The following XIRP2 variants were observed in gnomAD, a reference collection of about 807,000 sequenced individuals.
XIRP2 encodes the protein xin actin binding repeat containing 2.
XIRP2 carries 236 observed loss-of-function variants against 277.0 expected under a neutral mutation model. The observed-to-expected ratio is 0.85, with a 90% CI of 0.77 to 0.95. The LOEUF (loss-of-function observed/expected upper bound fraction) is 0.95, where lower values mean the gene tolerates loss of function less well. Among genes scored for constraint, XIRP2 ranks in the 40% least tolerant of loss-of-function variants. The pLI is 0.00. For synonymous variants in XIRP2, 1,490 were observed against 1,416.5 expected (o/e 1.05, Z -1.17); for missense variants, 4,640 against 4,157.5 (o/e 1.12, Z -3.19).
At chr2:167,232,722 A>C (rs965661732) in intron 5 of XIRP2, among the ~76,000 whole-genome samples, 3 of 151,918 alleles carry the variant, frequency 2.0e-5, no homozygotes, top group Admixed American at 6.6e-5. Flanking sequence ...TCTTCACAAC[A>C]ACCTTCTGAG....
intron 2 of XIRP2, among the ~76,000 whole-genome samples, chr2:166,916,114 C>T (rs1684870652): frequency 6.6e-6 from 1 of 152,194 alleles, no homozygotes; most frequent in Non-Finnish European, 1.5e-5. Context: ...ATTCACTCCA[C>T]TAATCAGAGC....
At chr2:167,080,408 A>T (rs553168525) in intron 2 of XIRP2, among the ~76,000 whole-genome samples, 17 of 152,324 alleles carry the variant, frequency 1.1e-4, no homozygotes, top group African/African-American at 4.1e-4. Context: ...TGATACTGTG[A>T]TGCACCTTCA....
At chr2:167,049,091 C>T (rs1454866416) in intron 2 of XIRP2, among the ~76,000 whole-genome samples, 1 of 151,754 alleles carries the variant, frequency 6.6e-6, no homozygotes. Flanking sequence ...TTGGAGCTTA[C>T]TTCAATGAGT....
chr2:167,170,534 AG>A (rs2105348504), intron 3 of XIRP2, among the ~76,000 whole-genome samples: 1 of 152,240 alleles, frequency 6.6e-6, no homozygotes, highest in Admixed American at 6.5e-5. Context: ...GCTTGTGATT[AG>A]TGGTATCTTT....
intron 3 of XIRP2, among the ~76,000 whole-genome samples, chr2:167,196,846 G>C (rs1332097319): frequency 6.6e-6 from 1 of 152,086 alleles, no homozygotes; most frequent in Non-Finnish European, 1.5e-5. Flanking sequence ...TTGTGCGTAG[G>C]TATGTGTGTG....
At chr2:167,173,378 G>A (rs890806871) in intron 3 of XIRP2, among the ~76,000 whole-genome samples, 3 of 152,074 alleles carry the variant, frequency 2.0e-5, no homozygotes, top group Admixed American at 6.6e-5. Context: ...GAGAACATGC[G>A]GAGTTTGTCT....
At chr2:166,976,090 G>A in intron 2 of XIRP2, among the ~76,000 whole-genome samples, 1 of 152,132 alleles carries the variant, frequency 6.6e-6, no homozygotes, top group South Asian at 2.1e-4. Flanking sequence ...CCTCAGTAAT[G>A]TGGAATATGA....
chr2:167,011,977 G>T (rs573611672), intron 2 of XIRP2, among the ~76,000 whole-genome samples: 1 of 151,724 alleles, frequency 6.6e-6, no homozygotes, highest in Non-Finnish European at 1.5e-5. Flanking sequence ...TTCTTTATTA[G>T]TCTTGCTAGC....
intron 2 of XIRP2, among the ~76,000 whole-genome samples, chr2:167,134,187 A>G (rs1013033313): frequency 6.6e-6 from 1 of 151,446 alleles, no homozygotes; most frequent in African/African-American, 2.4e-5. Flanking sequence ...TAGTGAATAT[A>G]TTCATATATA....
chr2:167,204,810 AT>A (rs971990302), intron 3 of XIRP2, among the ~76,000 whole-genome samples: 2 of 151,900 alleles, frequency 1.3e-5, no homozygotes, highest in Non-Finnish European at 2.9e-5. Context: ...TCTCGCATAA[AT>A]TTTTTTTACT....
At chr2:166,995,849 A>C (rs536983670) in intron 2 of XIRP2, among the ~76,000 whole-genome samples, 1 of 152,160 alleles carries the variant, frequency 6.6e-6, no homozygotes, top group Non-Finnish European at 1.5e-5. Flanking sequence ...CAAGTCATCA[A>C]ATGCCACTTC....
At chr2:167,018,997 A>C (rs759881585) in intron 2 of XIRP2, among the ~76,000 whole-genome samples, 1 of 152,004 alleles carries the variant, frequency 6.6e-6, no homozygotes, top group South Asian at 2.1e-4. Context: ...CACAGTTATA[A>C]GGATATAGTT....
chr2:167,219,012 G>GT (rs1352915265), intron 5 of XIRP2, among the ~76,000 whole-genome samples: 1 of 152,018 alleles, frequency 6.6e-6, no homozygotes, highest in Non-Finnish European at 1.5e-5. Context: ...GGCAACTGAG[G>GT]TATTTCTTAA....
chr2:167,179,008 G>A (rs1022494934), intron 3 of XIRP2, among the ~76,000 whole-genome samples: 4 of 151,980 alleles, frequency 2.6e-5, no homozygotes, highest in South Asian at 2.1e-4. Context: ...CTCCACTCTC[G>A]ATAGTAAATG....
chr2:166,921,316 T>C (rs562126658), intron 2 of XIRP2, among the ~76,000 whole-genome samples: 7 of 152,124 alleles, frequency 4.6e-5, no homozygotes, highest in Non-Finnish European at 1.0e-4. Flanking sequence ...TGTACTCTTT[T>C]TCATTCCCCC....
intron 2 of XIRP2, among the ~76,000 whole-genome samples, chr2:167,079,373 C>A (rs371410429): frequency 6.6e-6 from 1 of 152,120 alleles, no homozygotes; most frequent in East Asian, 1.9e-4. Context: ...GGAATCCCCC[C>A]GCTCAATTTT....
chr2:166,923,996 T>C (rs1407254842), intron 2 of XIRP2, among the ~76,000 whole-genome samples: 1 of 152,028 alleles, frequency 6.6e-6, no homozygotes, highest in Non-Finnish European at 1.5e-5. Context: ...GGACATGATA[T>C]GGCTCAGCAG....
Position 167,247,218 on chromosome 2 carries a change from A to C in XIRP2, c.5826A>C (p.Glu1942Asp), listed in dbSNP as rs1695300024. ...GAAGTTTCAAAGAGGTACATAAAGA[A>C]GGTGTAATAAAAAAAGATGCTAAAG... ...AQRSFKEVHK[E>D]GVIKKDAKAV... is the part of the protein sequence containing the mutation. The change falls in exon 9 of 11, where the codon GAA (glutamate) becomes GAC (aspartate). Residue 1942 changes from glutamate (E) to aspartate (D), a missense_variant. Coordinates refer to ENST00000409195, the MANE Select transcript of XIRP2 (RefSeq NM_152381.6). 1 of 1,613,640 alleles carries C rather than the reference A, an allele frequency of 6.2e-7. No individual in the cohort carries two copies. The highest frequency in any genetic ancestry group is 8.5e-7 in the Non-Finnish European group (1 of 1,179,826).
At chr2:167,201,190 GAAAGAAAGAA>G (rs1289681210) in intron 3 of XIRP2, among the ~76,000 whole-genome samples, 13 of 11,076 alleles carry the variant, frequency 1.2e-3, no homozygotes, top group East Asian at 7.7e-3. Context: ...GAGAGAGAGA[GAAAGAAAGAA>G]AGAAAGAAAG....
Sources: gnomAD v4.1 joint callset for allele counts (sites outside exome capture counted in the v4.1 genomes callset) on GRCh38, gnomAD v4.1.1 for gene constraint, MANE v1.5 for transcripts, NCBI Gene and HGNC (gene_info 2026-07-23, HGNC 2026-07-21) for gene names.